The following EMC7 variants were observed in gnomAD, a reference collection of about 807,000 sequenced individuals.
EMC7 encodes ER membrane protein complex subunit 7.
EMC7 carries 4 observed loss-of-function variants against 24.4 expected under a neutral mutation model. That is an observed-to-expected ratio of 0.16 (90% CI 0.08 to 0.38). The LOEUF is 0.38. Among genes scored for constraint, EMC7 ranks in the 10% least tolerant of loss-of-function variants. The probability of loss-of-function intolerance (pLI) is 1.00; values close to 1 mark genes in which losing one functional copy is unlikely to be tolerated. For synonymous variants in EMC7, 106 were observed against 112.0 expected (o/e 0.95, Z 0.34); for missense variants, 221 against 300.6 (o/e 0.74, Z 1.96).
chr15:34,091,837 G>C (rs1283549427), intron 2 of EMC7, among the ~76,000 whole-genome samples: 1 of 152,066 alleles, frequency 6.6e-6, no homozygotes, highest in Non-Finnish European at 1.5e-5. Context: ...CCTTTGTTGT[G>C]GGGGGAGCTA....
intron 2 of EMC7, among the ~76,000 whole-genome samples, chr15:34,094,025 G>C (rs1360865465): frequency 1.3e-5 from 2 of 150,762 alleles, no homozygotes; most frequent in African/African-American, 4.9e-5. Flanking sequence ...GCAAGATTTT[G>C]TCTCTCTACA....
rs1597403715 is a variant in EMC7 at position 34,087,912 on chromosome 15, T to C, written c.576+141A>G. 4.3e-6 allele frequency: 3 copies of C among 694,022 alleles called. No individual in the cohort carries two copies. In the East Asian group the frequency reaches 8.2e-5, roughly 19 times the overall value. The allele number at this position is 694,022 out of a possible 1,614,324, so 43.0% of individuals were successfully genotyped here. Reference sequence around the variant, plus strand: ...GCCTCGGACCTATAATCCCAGTGCTTTGGGAGGCTGAGGCAGGTGGATAGC... The same window carrying C: ...GCCTCGGACCTATAATCCCAGTGCTCTGGGAGGCTGAGGCAGGTGGATAGC... On this transcript the variant is annotated intron_variant, in intron 4 of 4. Transcript: ENST00000256545.
rs1248315426 is a variant in EMC7, at chr15:34,084,064, T to TCATTAATTTATATTATATTTATATTAATA, written c.*269_*270insTATTAATATAAATATAATATAAATTAATG. 6 of 314,582 alleles carry TCATTAATTTATATTATATTTATATTAATA rather than the reference T, an allele frequency of 1.9e-5. No individual in the cohort carries two copies. Among genetic ancestry groups the TCATTAATTTATATTATATTTATATTAATA allele is most frequent in the Non-Finnish European group, 2.3e-5 (4 of 173,700 alleles). 19.5% of individuals were successfully genotyped at this position (314,582 alleles called of 1,614,324 possible). A position where few individuals can be genotyped will look rare whatever the true frequency, so the allele number is the denominator to read the frequency against. On this transcript the variant is annotated 3_prime_UTR_variant, in exon 5 of 5. Transcript: ENST00000256545. ...TTTAATTAATATACATAATGTATAG[T>TCATTAATTTATATTATATTTATATTAATA]AGTTCATATAATTTATTAATGGCAT...
intron 1 of EMC7, 134 bp from the exon 2 acceptor site, chr15:34,096,148 G>A (rs1008369531): frequency 1.9e-5 from 20 of 1,040,968 alleles, no homozygotes; most frequent in East Asian, 1.9e-4. Flanking sequence ...AAACCTTGGC[G>A]AAAGTTGTCC....
intron 2 of EMC7, among the ~76,000 whole-genome samples, chr15:34,095,129 T>C (rs1901044498): frequency 1.3e-5 from 2 of 152,340 alleles, no homozygotes; most frequent in African/African-American, 4.8e-5. Flanking sequence ...AAATTGTTTT[T>C]GCCTTTGCAT....
At chr15:34,084,530 C>A in intron 4 of EMC7, 44 bp from the exon 5 acceptor site, 1 of 1,583,700 alleles carries the variant, frequency 6.3e-7, no homozygotes, top group Non-Finnish European at 8.6e-7. Flanking sequence ...TCCTTCGAGT[C>A]TTTTAACTCC....
chr15:34,088,220 T>C (rs1900921067), intron 3 of EMC7, 87 bp from the exon 4 acceptor site: 1 of 1,123,380 alleles, frequency 8.9e-7, no homozygotes, highest in African/African-American at 1.6e-5. Context: ...AATGGTAAAA[T>C]TAAAGATTTA....
intron 1 of EMC7, among the ~76,000 whole-genome samples, chr15:34,101,396 C>T (rs907006292): frequency 2.6e-5 from 4 of 152,116 alleles, no homozygotes; most frequent in Non-Finnish European, 5.9e-5. Flanking sequence ...AGGGGGTGAG[C>T]GCCTGCCATG....
At chr15:34,092,776 G>A (rs74007693) in intron 2 of EMC7, among the ~76,000 whole-genome samples, 1,950 of 152,190 alleles carry the variant, frequency 0.013, 41 homozygotes, top group African/African-American at 0.042. Flanking sequence ...GTTCATAAGT[G>A]CTAAAGCAGG....
intron 2 of EMC7, among the ~76,000 whole-genome samples, chr15:34,092,261 TCACACACACACA>T (rs375005510): frequency 7.1e-6 from 1 of 141,560 alleles, no homozygotes; most frequent in Non-Finnish European, 1.5e-5. Flanking sequence ...TGAGACTCCG[TCACACACACACA>T]CACACACACA....
intron 1 of EMC7, among the ~76,000 whole-genome samples, chr15:34,098,629 T>G (rs1328595543): frequency 6.6e-6 from 1 of 150,400 alleles, no homozygotes; most frequent in African/African-American, 2.4e-5. Context: ...CTGATTTTTT[T>G]TTTTTTTTTT....
chr15:34,100,994 A>T (rs924634737), intron 1 of EMC7: 1 of 152,006 alleles, frequency 6.6e-6, no homozygotes, highest in Non-Finnish European at 1.5e-5. Flanking sequence ...AGTGTGATAT[A>T]GCAAATCTCT....
At chr15:34,086,125 T>G (rs1900882593) in intron 4 of EMC7, 18 of 376,234 alleles carry the variant, frequency 4.8e-5, no homozygotes, top group South Asian at 4.1e-4. Flanking sequence ...TTTGTTTCTT[T>G]GCTGCTCCCA....
intron 2 of EMC7, among the ~76,000 whole-genome samples, chr15:34,091,195 A>G (rs1443771157): frequency 6.6e-6 from 1 of 152,076 alleles, no homozygotes; most frequent in Non-Finnish European, 1.5e-5. Context: ...CTTTTTTCAA[A>G]TATCTATAGC....
At chr15:34,095,805 T>A (rs1901055140) in intron 2 of EMC7, 90 bp downstream of exon 2, 1 of 1,237,592 alleles carries the variant, frequency 8.1e-7, no homozygotes, top group Non-Finnish European at 1.1e-6. Flanking sequence ...TAAAAAGAAT[T>A]TTCCATCTAA....
chr15:34,085,985 G>T, intron 4 of EMC7: 1 of 243,474 alleles, frequency 4.1e-6, no homozygotes, highest in South Asian at 5.6e-5. Flanking sequence ...CTTTCCAGAT[G>T]GTTTTGTGGT....
At position 34,095,919 on chromosome 15, in the gene EMC7, T is replaced by A. The variant is rs772962838; in HGVS notation, c.332A>T (p.Asp111Val). 1 of 1,608,812 alleles carries A rather than the reference T, an allele frequency of 6.2e-7. No homozygotes were observed. The highest frequency in any genetic ancestry group is 1.1e-5 in the South Asian group (1 of 90,446). The change falls in exon 2 of 5, where the codon GAT (aspartate) becomes GTT (valine). Residue 111 changes from aspartate to valine, a missense_variant. Around this residue, in one of 2 missense-constraint regions of EMC7, gnomAD observed 156 missense variants for 177.1 expected, o/e 0.88. Transcript: ENST00000256545. ...PAYRFDPVRV[D>V]ITSKGKMRAR... ...CCTCATTTTTCCTTTCGAAGTGATA[T>A]CCACTCGAACGGGATCAAATCTGTA... is the stretch of plus-strand genomic sequence containing the variant.
Position 34,084,187 on chromosome 15 carries a change from A to G in EMC7, c.*147T>C. 1 of 987,950 alleles carries G rather than the reference A, an allele frequency of 1.0e-6. No homozygotes were observed. Among genetic ancestry groups the G allele is most frequent in the Non-Finnish European group, 1.4e-6 (1 of 690,686 alleles). 61.2% of individuals were successfully genotyped at this position (987,950 alleles called of 1,614,324 possible). ...TTTTCTCGTGTACCAAGTACAAAAC[A>G]TGTGCTAAAAAGTTAACATACACAG... On this transcript the variant is annotated 3_prime_UTR_variant, in exon 5 of 5. Coordinates refer to ENST00000256545, the MANE Select transcript of EMC7 (RefSeq NM_020154.3).
intron 2 of EMC7, among the ~76,000 whole-genome samples, chr15:34,092,493 C>T (rs986830463): frequency 1.3e-4 from 19 of 151,894 alleles, no homozygotes; most frequent in East Asian, 2.0e-4. Flanking sequence ...GAATTACAGG[C>T]GCACGCCACC....
Sources: allele counts gnomAD v4.1 joint callset (sites outside exome capture counted in the v4.1 genomes callset), GRCh38; gene constraint gnomAD v4.1.1; regional missense constraint gnomAD v4.1.1; transcripts MANE v1.5; gene names NCBI Gene and HGNC (gene_info 2026-07-23, HGNC 2026-07-21).